The following TMEM50B variants were observed in gnomAD, a reference collection of about 807,000 sequenced individuals.
TMEM50B encodes the protein transmembrane protein 50B, also known as HCV p7-trans-regulated protein 3.
Under a neutral mutation model 23.4 loss-of-function variants are expected in TMEM50B, and 14 were observed. The observed-to-expected ratio is 0.60, with a 90% CI of 0.39 to 0.93. TMEM50B has a LOEUF of 0.93. TMEM50B is among the 40% of genes least tolerant of loss of function. The pLI is 0.00. For synonymous variants in TMEM50B, 64 were observed against 62.3 expected, an observed-to-expected ratio of 1.03 and a Z score of -0.13; for missense variants, 159 against 193.0, an observed-to-expected ratio of 0.82 and a Z score of 1.04.
intron 1 of TMEM50B, among the ~76,000 whole-genome samples, chr21:33,478,242 G>A (rs1415560742): frequency 2.0e-5 from 3 of 151,902 alleles, no homozygotes; most frequent in South Asian, 2.1e-4. Flanking sequence ...CGAGGCAAGC[G>A]GATCACTTGA....
chr21:33,456,953 C>G (rs1332759457), intron 5 of TMEM50B, among the ~76,000 whole-genome samples: 1 of 152,114 alleles, frequency 6.6e-6, no homozygotes, highest in African/African-American at 2.4e-5. Flanking sequence ...ATTCACTTTA[C>G]AAATAGAAAA....
Position 33,457,651 on chromosome 21 carries a change from CAA to C in TMEM50B, c.374-1869_374-1868del, listed in dbSNP as rs11334898. ...GGGCGACAAGAGTGAAACTCCAACT[CAA>C]AAAAAAAAAAAAAAATACACTCAAC... On this transcript the variant is annotated intron_variant, in intron 5 of 6. Coordinates refer to ENST00000542230, the MANE Select transcript of TMEM50B (RefSeq NM_006134.7). Among the ~76,000 whole-genome samples, 804 of 123,510 alleles carry C rather than the reference CAA, an allele frequency of 6.5e-3. 3 individuals carry two copies. Among genetic ancestry groups the C allele is most frequent in the Middle Eastern group, 7.7e-3 (2 of 260 alleles). 81.0% of individuals were successfully genotyped at this position (123,510 alleles called of 152,430 possible). A position where few individuals can be genotyped will look rare whatever the true frequency, so the allele number is the denominator to read the frequency against.
At chr21:33,465,492 AC>A in intron 3 of TMEM50B, 83 bp from the exon 4 acceptor site, 1 of 1,017,850 alleles carries the variant, frequency 9.8e-7, no homozygotes, top group Admixed American at 2.4e-5. Context: ...TAGACGGAAA[AC>A]AGATTATTTC....
intron 1 of TMEM50B, among the ~76,000 whole-genome samples, chr21:33,473,736 T>C (rs1169278576): frequency 4.0e-5 from 6 of 151,328 alleles, no homozygotes; most frequent in Non-Finnish European, 8.8e-5. Context: ...ATCTTCACAA[T>C]AACTTGTTCA....
intron 4 of TMEM50B, among the ~76,000 whole-genome samples, chr21:33,462,297 T>C (rs555059487): frequency 2.4e-4 from 37 of 151,946 alleles, no homozygotes; most frequent in African/African-American, 8.9e-4. Flanking sequence ...TCCTTAATTT[T>C]TGAAACACTA....
At chr21:33,451,567 G>A (rs13047684) in intron 6 of TMEM50B, among the ~76,000 whole-genome samples, 28,023 of 152,082 alleles carry the variant, frequency 0.18, 3,167 homozygotes, top group Non-Finnish European at 0.24. Flanking sequence ...AAAAGAAGAG[G>A]GGGAATTATC....
chr21:33,441,506 G>A (rs989511450), intron 7 of TMEM50B, among the ~76,000 whole-genome samples: 5 of 152,180 alleles, frequency 3.3e-5, no homozygotes, highest in Non-Finnish European at 7.3e-5. Context: ...ATAGCAAGGG[G>A]GATGCCATTC....
At chr21:33,473,594 T>A (rs1455714178) in intron 1 of TMEM50B, among the ~76,000 whole-genome samples, 1 of 151,228 alleles carries the variant, frequency 6.6e-6, no homozygotes, top group Non-Finnish European at 1.5e-5. Context: ...AAGGATCACT[T>A]GTGCCCAGAA....
chr21:33,470,052 A>G (rs2084298788), intron 1 of TMEM50B, among the ~76,000 whole-genome samples: 1 of 152,172 alleles, frequency 6.6e-6, no homozygotes, highest in African/African-American at 2.4e-5. Flanking sequence ...AAAAACAAAG[A>G]TATTATGTAA....
intron 5 of TMEM50B, among the ~76,000 whole-genome samples, chr21:33,457,691 T>G (rs1022122659): frequency 1.3e-5 from 2 of 151,786 alleles, no homozygotes; most frequent in Non-Finnish European, 2.9e-5. Context: ...TAGTAAAGCC[T>G]TTACAAACAA....
chr21:33,461,305 G>C (rs2084214680), intron 4 of TMEM50B, among the ~76,000 whole-genome samples: 1 of 152,180 alleles, frequency 6.6e-6, no homozygotes, highest in South Asian at 2.1e-4. Flanking sequence ...TTAGACACCA[G>C]ATAAGGAAGA....
At chr21:33,477,374 G>A (rs1035854444) in intron 1 of TMEM50B, among the ~76,000 whole-genome samples, 4 of 152,006 alleles carry the variant, frequency 2.6e-5, no homozygotes, top group Admixed American at 1.3e-4. Flanking sequence ...ATCAGTTGCC[G>A]AGCAATATTA....
At chr21:33,438,657 G>A (rs1280345809) in intron 8 of TMEM50B, among the ~76,000 whole-genome samples, 3 of 152,050 alleles carry the variant, frequency 2.0e-5, no homozygotes, top group Non-Finnish European at 4.4e-5. Context: ...AATTAGCTGA[G>A]TGTGGTGGCA....
intron 4 of TMEM50B, among the ~76,000 whole-genome samples, chr21:33,461,796 CTG>C (rs2084219202): frequency 6.9e-6 from 1 of 144,780 alleles, no homozygotes; most frequent in South Asian, 2.2e-4. Context: ...CAAAGCAAAA[CTG>C]TTTCAAAAAA....
chr21:33,441,320 G>A (rs2084007123), intron 7 of TMEM50B, among the ~76,000 whole-genome samples: 1 of 152,130 alleles, frequency 6.6e-6, no homozygotes, highest in South Asian at 2.1e-4. Flanking sequence ...ACAACAGAGA[G>A]AGGCTCTCTG....
intron 1 of TMEM50B, 106 bp from the exon 2 acceptor site, chr21:33,469,032 T>C: frequency 1.6e-6 from 1 of 637,908 alleles, no homozygotes; most frequent in Non-Finnish European, 2.7e-6. Context: ...CTTTAGGTCC[T>C]ATTCTACTAT....
At chr21:33,476,577 C>T (rs1436268271) in intron 1 of TMEM50B, among the ~76,000 whole-genome samples, 2 of 151,058 alleles carry the variant, frequency 1.3e-5, no homozygotes, top group African/African-American at 4.9e-5. Flanking sequence ...CTGGCTAAAA[C>T]GATGAAACCC....
rs1481842152 is a variant in TMEM50B at position 33,435,500 on chromosome 21, G to C, written c.*2121-2698C>G. Among the ~76,000 whole-genome samples, 5 of 152,252 alleles carry C rather than the reference G, an allele frequency of 3.3e-5. No individual in the cohort carries two copies. In the East Asian group the frequency reaches 7.7e-4, roughly 23 times the overall value. On this transcript the variant is annotated intron_variant and NMD_transcript_variant, in intron 8 of 8. Coordinates refer to the TMEM50B transcript ENST00000420455. ...ACAAAACTTGCTTTTCCTGAGTTTT[G>C]CCCTTTTAAACTCTCAGCATATTAA...
At chr21:33,471,197 T>A (rs1255520628) in intron 1 of TMEM50B, among the ~76,000 whole-genome samples, 1 of 152,162 alleles carries the variant, frequency 6.6e-6, no homozygotes, top group African/African-American at 2.4e-5. Flanking sequence ...GTAAACACCT[T>A]GGGGACATAT....
Sources: gnomAD v4.1 joint callset for allele counts (sites outside exome capture counted in the v4.1 genomes callset) on GRCh38, gnomAD v4.1.1 for gene constraint, MANE v1.5 for transcripts, NCBI Gene and HGNC (gene_info 2026-07-23, HGNC 2026-07-21) for gene names.